The following MAF variants were observed in gnomAD, a reference collection of about 807,000 sequenced individuals.
The protein encoded by MAF is transcription factor Maf.
In MAF, 10 loss-of-function variants were observed where a neutral mutation model predicts 22.0. The ratio of observed to expected loss-of-function variants is 0.45; its 90% confidence interval spans 0.28 to 0.77. The LOEUF is 0.77. Ranked by LOEUF, MAF falls within the 30% of genes least tolerant of loss-of-function variation. The pLI, the probability that MAF is intolerant of heterozygous loss-of-function variation, is 0.12. For missense variants in MAF, 544 were observed against 548.4 expected, an observed-to-expected ratio of 0.99 and a Z score of 0.08; for synonymous variants, 337 against 255.8, an observed-to-expected ratio of 1.32 and a Z score of -3.03.
chr16:79,396,497 C>T, the MAF span, among the ~76,000 whole-genome samples: 5 of 152,200 alleles, frequency 3.3e-5, no homozygotes, highest in Non-Finnish European at 7.3e-5. Context: ...GCCTCCTTGA[C>T]CCACTAACAA....
chr16:79,268,283 T>C, the MAF span, among the ~76,000 whole-genome samples: 1 of 152,106 alleles, frequency 6.6e-6, no homozygotes, highest in Admixed American at 6.5e-5. Context: ...TGTAGTCGTC[T>C]CAGCCTGAGG....
chr16:79,543,684 T>C, the MAF span, among the ~76,000 whole-genome samples: 1 of 150,196 alleles, frequency 6.7e-6, no homozygotes, highest in East Asian at 2.0e-4. Context: ...TTCTTTTTTT[T>C]TTTTTCTTTT....
At chr16:79,595,055 C>T (rs1353500272) in intron 1 of MAF, 5 of 1,047,282 alleles carry the variant, frequency 4.8e-6, no homozygotes, top group Admixed American at 1.1e-4. Flanking sequence ...TCATCAGATG[C>T]TTTTTTGTTA....
the MAF span, among the ~76,000 whole-genome samples, chr16:79,286,702 C>A: frequency 2.0e-5 from 3 of 152,336 alleles, no homozygotes; most frequent in East Asian, 5.8e-4. Flanking sequence ...GACATTCCCA[C>A]GCATCTTTAA....
At chr16:79,444,364 A>T in the MAF span, among the ~76,000 whole-genome samples, 1 of 152,218 alleles carries the variant, frequency 6.6e-6, no homozygotes, top group Non-Finnish European at 1.5e-5. Flanking sequence ...TTAATAATGA[A>T]AATTAAAATA....
At chr16:79,368,850 C>T in the MAF span, among the ~76,000 whole-genome samples, 1 of 152,186 alleles carries the variant, frequency 6.6e-6, no homozygotes, top group Non-Finnish European at 1.5e-5. Flanking sequence ...ACCTCTAGTT[C>T]CAATTTAAAA....
At chr16:79,284,003 G>A in the MAF span, among the ~76,000 whole-genome samples, 1 of 145,680 alleles carries the variant, frequency 6.9e-6, no homozygotes, top group African/African-American at 2.5e-5. Context: ...CCCCATAGTA[G>A]TGATTGATGG....
chr16:79,428,846 G>GAAAAAAAAA, the MAF span, among the ~76,000 whole-genome samples: 164 of 72,846 alleles, frequency 2.3e-3, no homozygotes, highest in Admixed American at 5.1e-3. Context: ...CCCTGTCTCA[G>GAAAAAAAAA]AAAAATAATA....
chr16:79,336,375 T>A, the MAF span, among the ~76,000 whole-genome samples: 2 of 151,898 alleles, frequency 1.3e-5, no homozygotes, highest in African/African-American at 2.4e-5. Flanking sequence ...CAAGGTCACA[T>A]AGCCAGTAAA....
chr16:79,593,474 T>G (rs1415872112), downstream of MAF, among the ~76,000 whole-genome samples: 8 of 152,108 alleles, frequency 5.3e-5, no homozygotes, highest in Non-Finnish European at 5.9e-5. Flanking sequence ...AGAATTGGTG[T>G]TGCTAAGTAA....
chr16:79,243,979 C>T, the MAF span, among the ~76,000 whole-genome samples: 1 of 152,020 alleles, frequency 6.6e-6, no homozygotes, highest in African/African-American at 2.4e-5. Context: ...GTGTTTATCT[C>T]AGTAGATGCA....
At chr16:79,283,803 C>T in the MAF span, among the ~76,000 whole-genome samples, 1 of 152,040 alleles carries the variant, frequency 6.6e-6, no homozygotes, top group African/African-American at 2.4e-5. Flanking sequence ...ACTTGCACTA[C>T]CTCCAGAGAC....
the MAF span, among the ~76,000 whole-genome samples, chr16:79,392,681 G>A: frequency 1.3e-5 from 2 of 152,166 alleles, no homozygotes; most frequent in African/African-American, 4.8e-5. Flanking sequence ...TTGTTAGGAA[G>A]AGGGTGAGAC....
chr16:79,561,978 G>A, the MAF span, among the ~76,000 whole-genome samples: 4 of 152,230 alleles, frequency 2.6e-5, no homozygotes, highest in Admixed American at 6.5e-5. Flanking sequence ...AACATGAGCC[G>A]TTTGTCCCCA....
chr16:79,589,782 G>A (rs1913078575), downstream of MAF, among the ~76,000 whole-genome samples: 2 of 152,174 alleles, frequency 1.3e-5, no homozygotes, highest in African/African-American at 4.8e-5. Flanking sequence ...AACACAATCC[G>A]AGCTCCTGCA....
the MAF span, among the ~76,000 whole-genome samples, chr16:79,459,515 A>G: frequency 1.3e-5 from 2 of 151,866 alleles, no homozygotes; most frequent in Non-Finnish European, 2.9e-5. Context: ...ATACATTTTA[A>G]CATCTAGAAG....
chr16:79,470,401 G>T, the MAF span, among the ~76,000 whole-genome samples: 1 of 152,146 alleles, frequency 6.6e-6, no homozygotes, highest in Non-Finnish European at 1.5e-5. Flanking sequence ...GACCAGGATG[G>T]CAACTAGGGC....
At chr16:79,414,136 T>C in the MAF span, among the ~76,000 whole-genome samples, 44 of 152,310 alleles carry the variant, frequency 2.9e-4, no homozygotes, top group African/African-American at 1.1e-3. Flanking sequence ...TTAACAAACA[T>C]TGGCTGAGCT....
At chr16:79,391,076 C>T in the MAF span, among the ~76,000 whole-genome samples, 4,645 of 152,196 alleles carry the variant, frequency 0.031, 151 homozygotes, top group African/African-American at 0.079. Flanking sequence ...TGTGGGCTAA[C>T]GAGGTGGAAG....
Sources: allele counts gnomAD v4.1 joint callset (sites outside exome capture counted in the v4.1 genomes callset), GRCh38; gene constraint gnomAD v4.1.1; transcripts MANE v1.5; gene names NCBI Gene and HGNC (gene_info 2026-07-23, HGNC 2026-07-21).